FOXO3: variants seen among roughly 807,000 people sequenced by gnomAD.
FOXO3 encodes the protein forkhead box protein O3.
Under a neutral mutation model 41.9 loss-of-function variants are expected in FOXO3, and 4 were observed. That is an observed-to-expected ratio of 0.10 (90% CI 0.05 to 0.22). FOXO3 has a LOEUF of 0.22. Among genes scored for constraint, FOXO3 ranks in the 10% least tolerant of loss-of-function variants. FOXO3 has a pLI of 1.00. For synonymous variants in FOXO3, 318 were observed against 389.3 expected, an observed-to-expected ratio of 0.82 and a Z score of 2.16; for missense variants, 534 against 906.8, an observed-to-expected ratio of 0.59 and a Z score of 5.28.
chr6:108,626,649 C>T (rs1037243359), intron 1 of FOXO3, among the ~76,000 whole-genome samples: 1 of 151,410 alleles, frequency 6.6e-6, no homozygotes, highest in African/African-American at 2.4e-5. Flanking sequence ...CATACCCATT[C>T]TGCATATTTC....
At chr6:108,562,127 C>T (rs149457634) in intron 1 of FOXO3, among the ~76,000 whole-genome samples, 9 of 152,074 alleles carry the variant, frequency 5.9e-5, no homozygotes, top group Non-Finnish European at 1.2e-4. Context: ...CTGGATTCTC[C>T]GGACAGCACC....
intron 1 of FOXO3, among the ~76,000 whole-genome samples, chr6:108,578,358 G>A (rs1776319173): frequency 1.3e-5 from 2 of 152,148 alleles, no homozygotes; most frequent in Admixed American, 1.3e-4. Flanking sequence ...AAATCTTAAC[G>A]TCGCTTGCCA....
intron 1 of FOXO3, among the ~76,000 whole-genome samples, chr6:108,629,796 A>G (rs1777912103): frequency 6.6e-6 from 1 of 152,148 alleles, no homozygotes. Flanking sequence ...TTTAGATAAT[A>G]AGCCAGTGAA....
At chr6:108,574,100 C>G (rs1033910355) in intron 1 of FOXO3, among the ~76,000 whole-genome samples, 33 of 148,170 alleles carry the variant, frequency 2.2e-4, no homozygotes, top group African/African-American at 8.3e-4. Flanking sequence ...TTGCAGTGAG[C>G]TGAGATCACG....
chr6:108,576,844 G>A (rs769871319), intron 1 of FOXO3, among the ~76,000 whole-genome samples: 1 of 152,064 alleles, frequency 6.6e-6, no homozygotes, highest in Non-Finnish European at 1.5e-5. Flanking sequence ...TGTGTTCATT[G>A]TTCTGCCTTA....
intron 2 of FOXO3, among the ~76,000 whole-genome samples, chr6:108,671,200 TGAG>T (rs1284070482): frequency 2.6e-5 from 4 of 152,162 alleles, no homozygotes; most frequent in African/African-American, 9.7e-5. Context: ...CCCTAAGACT[TGAG>T]GAGCTCCATA....
intron 1 of FOXO3, among the ~76,000 whole-genome samples, chr6:108,662,956 TC>T (rs1778912251): frequency 6.6e-6 from 1 of 152,172 alleles, no homozygotes; most frequent in South Asian, 2.1e-4. Flanking sequence ...TCATCTCCCT[TC>T]CCCCTAGATA....
chr6:108,569,334 C>A (rs1352048289), intron 1 of FOXO3, among the ~76,000 whole-genome samples: 1 of 152,206 alleles, frequency 6.6e-6, no homozygotes, highest in Non-Finnish European at 1.5e-5. Flanking sequence ...GTATCTTTCA[C>A]CATTTTATTC....
chr6:108,584,772 T>C (rs1776527412), intron 1 of FOXO3, among the ~76,000 whole-genome samples: 1 of 152,196 alleles, frequency 6.6e-6, no homozygotes, highest in Non-Finnish European at 1.5e-5. Context: ...TTCATTTGGC[T>C]AAAATCTAGG....
intron 1 of FOXO3, among the ~76,000 whole-genome samples, chr6:108,637,410 C>A (rs1399978893): frequency 6.6e-6 from 1 of 152,038 alleles, no homozygotes; most frequent in Non-Finnish European, 1.5e-5. Context: ...AGCTAAGTGT[C>A]GAAATCCAGC....
chr6:108,612,099 A>G (rs940421790), intron 1 of FOXO3, among the ~76,000 whole-genome samples: 1 of 152,090 alleles, frequency 6.6e-6, no homozygotes, highest in African/African-American at 2.4e-5. Flanking sequence ...AATCATTTGT[A>G]CTGTTCTAGA....
intron 1 of FOXO3, among the ~76,000 whole-genome samples, chr6:108,608,237 C>G (rs1203412001): frequency 6.6e-6 from 1 of 152,160 alleles, no homozygotes; most frequent in Non-Finnish European, 1.5e-5. Context: ...CTTTAGAACA[C>G]TTGAGTGAGA....
intron 1 of FOXO3, among the ~76,000 whole-genome samples, chr6:108,620,376 T>C (rs1166718413): frequency 1.3e-5 from 2 of 152,224 alleles, no homozygotes; most frequent in African/African-American, 2.4e-5. Context: ...TTTTTTTTAG[T>C]AGGAAAATAT....
intron 1 of FOXO3, among the ~76,000 whole-genome samples, chr6:108,569,071 T>C (rs1282827279): frequency 1.3e-5 from 2 of 152,244 alleles, no homozygotes; most frequent in Admixed American, 6.5e-5. Context: ...AAAGCTGTTA[T>C]GTAAAGCCTT....
chr6:108,632,193 G>A (rs1187463129), intron 1 of FOXO3, among the ~76,000 whole-genome samples: 3 of 152,148 alleles, frequency 2.0e-5, no homozygotes, highest in African/African-American at 4.8e-5. Flanking sequence ...TTTTAGATGC[G>A]GTGCTAGGCG....
At chr6:108,660,404 A>T (rs1472123242) in intron 1 of FOXO3, among the ~76,000 whole-genome samples, 9 of 152,250 alleles carry the variant, frequency 5.9e-5, no homozygotes, top group Admixed American at 5.9e-4. Context: ...TCAGATACTC[A>T]GCATGTTGCT....
chr6:108,630,107 A>G (rs1422476504), intron 1 of FOXO3, among the ~76,000 whole-genome samples: 1 of 152,190 alleles, frequency 6.6e-6, no homozygotes. Context: ...CTAGACCACA[A>G]GTGGCTTCAG....
chr6:108,618,304 C>T (rs1777571151), intron 1 of FOXO3: 1 of 682,086 alleles, frequency 1.5e-6, no homozygotes, highest in African/African-American at 1.8e-5. Context: ...CCGGTTTCTC[C>T]TCAGCTGCCG....
rs1168662355 is a variant in FOXO3, at chr6:108,664,768, C to T, written c.1935C>T (p.Leu645=). ...ADGLDFNFDS[L]ISTQNVVGLN... ...GGTTGGATTTTAACTTTGATTCCCT[C>T]ATCTCCACACAGAATGTTGTTGGTT... The change falls in exon 2 of 3, where the codon CTC becomes CTT. Residue 645 remains leucine, a synonymous_variant. Coordinates refer to ENST00000406360, the MANE Select transcript of FOXO3 (RefSeq NM_001455.4). 2.1e-6 allele frequency: 3 copies of T among 1,440,238 alleles called. No individual in the cohort carries two copies. The highest frequency in any genetic ancestry group is 3.7e-5 in the Admixed American group (2 of 54,458). 89.2% of individuals were successfully genotyped at this position (1,440,238 alleles called of 1,614,324 possible).
Sources: gnomAD v4.1 joint callset for allele counts (sites outside exome capture counted in the v4.1 genomes callset) on GRCh38, gnomAD v4.1.1 for gene constraint, MANE v1.5 for transcripts, NCBI Gene and HGNC (gene_info 2026-07-23, HGNC 2026-07-21) for gene names.